Variants in ATP9B observed in about 807,000 individuals in gnomAD.
ATP9B encodes the protein probable phospholipid-transporting ATPase IIB.
Under a neutral mutation model 146.1 loss-of-function variants are expected in ATP9B, and 110 were observed. That is an observed-to-expected ratio of 0.75 (90% CI 0.65 to 0.88). The LOEUF (loss-of-function observed/expected upper bound fraction) is 0.88, where lower values mean the gene tolerates loss of function less well. Ranked by LOEUF, ATP9B falls within the 40% of genes least tolerant of loss-of-function variation. The pLI is 0.00. For synonymous variants in ATP9B, 604 were observed against 569.7 expected, an observed-to-expected ratio of 1.06 and a Z score of -0.86; for missense variants, 1,499 against 1,496.4, an observed-to-expected ratio of 1.00 and a Z score of -0.03.
chr18:79,173,524 T>C (rs151300514), intron 7 of ATP9B, among the ~76,000 whole-genome samples: 2 of 152,238 alleles, frequency 1.3e-5, no homozygotes, highest in African/African-American at 4.8e-5. Flanking sequence ...GGTCAAGGCT[T>C]TGGGTTGTTG....
intron 5 of ATP9B, among the ~76,000 whole-genome samples, chr18:79,142,343 CA>C (rs1481458387): frequency 6.6e-6 from 1 of 152,116 alleles, no homozygotes; most frequent in Non-Finnish European, 1.5e-5. Context: ...GTTTTCTATT[CA>C]AAATGTTTTA....
At chr18:79,225,274 A>G (rs1943664343) in intron 11 of ATP9B, among the ~76,000 whole-genome samples, 1 of 152,248 alleles carries the variant, frequency 6.6e-6, no homozygotes, top group African/African-American at 2.4e-5. Context: ...TTACAATTGC[A>G]TTAACTAAAA....
rs983267509 is a variant in ATP9B, at chr18:79,377,439, T to A, written c.*56T>A. ...AGCACCTTCTGCCCTTCCCAGCACC[T>A]TGTGCCCTTGCCAGTGAACGCAGGG... On this transcript the variant is annotated 3_prime_UTR_variant, in exon 30 of 30. Coordinates refer to ENST00000426216, the MANE Select transcript of ATP9B (RefSeq NM_198531.5). The A allele has an allele frequency of 5.7e-6, 9 of 1,582,836 alleles. No individual in the cohort carries two copies. The South Asian group carries it at 1.0e-4, about 18-fold the overall frequency.
chr18:79,249,354 A>G (rs2096000575), intron 11 of ATP9B, among the ~76,000 whole-genome samples: 1 of 152,208 alleles, frequency 6.6e-6, no homozygotes, highest in Admixed American at 6.5e-5. Flanking sequence ...CTTGGAGATT[A>G]AAATTTGCAG....
Position 79,372,878 on chromosome 18 carries a change from C to T in ATP9B, c.3066C>T (p.Tyr1022=), listed in dbSNP as rs767055679. The change falls in exon 27 of 30, where the codon TAC becomes TAT. Residue 1022 remains tyrosine (Y), a synonymous_variant. Coordinates refer to ENST00000426216, the MANE Select transcript of ATP9B (RefSeq NM_198531.5). ...TFLIWVLISI[Y]QGGILMYGAL... The stretch of plus-strand genomic sequence containing the variant: ...TCATCTGGGTTTTAATAAGTATTTA[C>T]CAAGGTAAGACGAGATCCTTAGTTT... The T allele has an allele frequency of 4.9e-5, 79 of 1,605,154 alleles. No homozygotes were observed. The highest frequency in any genetic ancestry group is 6.6e-5 in the Non-Finnish European group (77 of 1,171,858).
At chr18:79,218,311 G>A (rs2148459897) in intron 11 of ATP9B, among the ~76,000 whole-genome samples, 1 of 148,416 alleles carries the variant, frequency 6.7e-6, no homozygotes, top group East Asian at 2.0e-4. Context: ...GCTCCTGCTG[G>A]TCATGTTTTC....
At chr18:79,143,918 T>C in intron 6 of ATP9B, 58 bp downstream of exon 6, 1 of 1,031,162 alleles carries the variant, frequency 9.7e-7, no homozygotes, top group Non-Finnish European at 1.4e-6. Flanking sequence ...ATGTTTAGCC[T>C]GATTATAAGT....
intron 12 of ATP9B, among the ~76,000 whole-genome samples, chr18:79,259,669 G>A (rs187979246): frequency 1.4e-3 from 208 of 152,252 alleles, no homozygotes; most frequent in African/African-American, 4.7e-3. Context: ...ACGGACCAGG[G>A]ACCCCAAGTG....
At chr18:79,280,344 C>G (rs918015992) in intron 13 of ATP9B, among the ~76,000 whole-genome samples, 2 of 151,664 alleles carry the variant, frequency 1.3e-5, no homozygotes, top group Non-Finnish European at 2.9e-5. Flanking sequence ...TTAAAAAAAG[C>G]ATGTAGACCA....
rs550040440 is a variant in ATP9B, at chr18:79,079,509, C to T, written c.119+9980C>T. Among the ~76,000 whole-genome samples, 471 of 152,070 alleles carry T rather than the reference C, an allele frequency of 3.1e-3. 2 individuals are homozygous for T. Among genetic ancestry groups the T allele is most frequent in the African/African-American group, 0.011 (454 of 41,486 alleles). On this transcript the variant is annotated intron_variant, in intron 1 of 29. Transcript: ENST00000426216. ...TTTGATGGGATTCGTTTGTTTTTTT[C>T]TTGTAAATTTAAGTTCCTCGTAGAT...
chr18:79,276,082 C>T (rs1267554134), intron 12 of ATP9B, among the ~76,000 whole-genome samples: 2 of 152,202 alleles, frequency 1.3e-5, no homozygotes, highest in African/African-American at 4.8e-5. Flanking sequence ...GGTATAAGTA[C>T]ATCCTGTCTG....
At chr18:79,351,540 T>C (rs6506757) in intron 25 of ATP9B, among the ~76,000 whole-genome samples, 136,545 of 152,296 alleles carry the variant, frequency 0.9, 61,376 homozygotes, top group East Asian at 1. Context: ...TGAACAAAAA[T>C]CAACATGATG....
chr18:79,206,664 T>A lies in ATP9B; in HGVS notation c.955-273T>A, dbSNP rs2095537131. ...AATAAATAAATAAATAAATAAATAT[T>A]AGAAGGTATAGTACTTTCATGAAAA... On this transcript the variant is annotated intron_variant, in intron 9 of 29. Transcript: ENST00000426216. Among the ~76,000 whole-genome samples the A allele has an allele frequency of 9.7e-5, 13 of 133,908 alleles. No individual in the cohort carries two copies. In the South Asian group the frequency reaches 3.2e-3, roughly 33 times the overall value. 87.8% of individuals were successfully genotyped at this position (133,908 alleles called of 152,430 possible). A position where few individuals can be genotyped will look rare whatever the true frequency, so the allele number is the denominator to read the frequency against.
At chr18:79,350,366 C>T (rs1032406976) in intron 25 of ATP9B, among the ~76,000 whole-genome samples, 21 of 152,388 alleles carry the variant, frequency 1.4e-4, no homozygotes, top group African/African-American at 4.3e-4. Flanking sequence ...TGTAATCACT[C>T]AGGGAATAAC....
Position 79,113,184 on chromosome 18 carries a change from A to G in ATP9B, c.445-57A>G, listed in dbSNP as rs146509090. 3,418 of 828,052 alleles carry G rather than the reference A, an allele frequency of 4.1e-3. 17 individuals are homozygous for G. The highest frequency in any genetic ancestry group is 5.1e-3 in the Non-Finnish European group (2,557 of 497,060). 51.3% of individuals were successfully genotyped at this position (828,052 alleles called of 1,614,324 possible). A position where few individuals can be genotyped will look rare whatever the true frequency, so the allele number is the denominator to read the frequency against. On this transcript the variant is annotated intron_variant, in intron 3 of 29. Coordinates refer to ENST00000426216, the MANE Select transcript of ATP9B (RefSeq NM_198531.5). ...TGTGCAGATTTTAATTGTTTAATTT[A>G]GGTATTAAAATTTTTTCCTTGAAGG...
At chr18:79,077,081 T>C (rs1414508570) in intron 1 of ATP9B, among the ~76,000 whole-genome samples, 4 of 152,272 alleles carry the variant, frequency 2.6e-5, no homozygotes, top group African/African-American at 9.6e-5. Context: ...AAAATCCTCA[T>C]TAGATAATTT....
chr18:79,136,861 AG>A (rs1342119727), intron 5 of ATP9B, among the ~76,000 whole-genome samples: 1 of 152,228 alleles, frequency 6.6e-6, no homozygotes, highest in African/African-American at 2.4e-5. Flanking sequence ...AGGAAGGAGA[AG>A]CAAACACGTC....
chr18:79,307,123 G>A lies in ATP9B; in HGVS notation c.1662G>A (p.Val554=). 6.2e-7 allele frequency: 1 copy of A among 1,614,204 alleles called. No individual in the cohort carries two copies. The highest frequency in any genetic ancestry group is 8.5e-7 in the Non-Finnish European group (1 of 1,180,042). Residue 554 remains valine, a synonymous_variant, in exon 15 of 30, where the codon GTG becomes GTA. Coordinates refer to ENST00000426216, the MANE Select transcript of ATP9B (RefSeq NM_198531.5). ...AVKAIVLCHN[V]TPVYESRAGV... is the part of the protein sequence containing the mutation. Reference sequence around the variant, plus strand: ...AAGCCATCGTGCTGTGTCACAACGTGACCCCCGTGTATGAGTCTCGGGCCG... The same window carrying A: ...AAGCCATCGTGCTGTGTCACAACGTAACCCCCGTGTATGAGTCTCGGGCCG...
At chr18:79,220,655 G>A (rs1034250578) in intron 11 of ATP9B, among the ~76,000 whole-genome samples, 8 of 152,168 alleles carry the variant, frequency 5.3e-5, no homozygotes, top group Non-Finnish European at 1.2e-4. Context: ...TAGATTGTAT[G>A]TCAAGGCAAA....
Sources: gnomAD v4.1 joint callset for allele counts (sites outside exome capture counted in the v4.1 genomes callset) on GRCh38, gnomAD v4.1.1 for gene constraint, MANE v1.5 for transcripts, NCBI Gene and HGNC (gene_info 2026-07-23, HGNC 2026-07-21) for gene names.